Variants in TLN2 observed in about 807,000 individuals in gnomAD.
TLN2 encodes talin-2.
In TLN2, 118 loss-of-function variants were observed where a neutral mutation model predicts 294.7. That is an observed-to-expected ratio of 0.40 (90% CI 0.34 to 0.47). TLN2 has a LOEUF of 0.47. Among genes scored for constraint, TLN2 ranks in the 20% least tolerant of loss-of-function variants. The pLI is 0.84. For missense variants in TLN2, 3,083 were observed against 3,282.2 expected (o/e 0.94, Z 1.48); for synonymous variants, 1,431 against 1,304.5 (o/e 1.10, Z -2.09).
intron 22 of TLN2, among the ~76,000 whole-genome samples, chr15:62,713,897 C>CATATATATATATATATATATATAT (rs34783254): frequency 3.4e-5 from 4 of 119,052 alleles, no homozygotes; most frequent in Non-Finnish European, 3.8e-5. Flanking sequence ...TTCTTTAAGC[C>CATATATATATATATATATATATAT]ATATATATAT....
At chr15:62,507,456 CT>C (rs775387848) in intron 1 of TLN2, among the ~76,000 whole-genome samples, 8 of 152,186 alleles carry the variant, frequency 5.3e-5, no homozygotes, top group Non-Finnish European at 8.8e-5. Context: ...GCTGGTCCTT[CT>C]TTGGGCAGCT....
intron 1 of TLN2, among the ~76,000 whole-genome samples, chr15:62,500,998 C>A (rs1418902213): frequency 6.6e-6 from 1 of 152,216 alleles, no homozygotes; most frequent in African/African-American, 2.4e-5. Context: ...CAGGGCACTT[C>A]TGGTCCTCAC....
intron 1 of TLN2, among the ~76,000 whole-genome samples, chr15:62,578,916 T>C (rs1423171919): frequency 6.6e-6 from 1 of 152,146 alleles, no homozygotes; most frequent in Non-Finnish European, 1.5e-5. Flanking sequence ...TGTGTAGTCT[T>C]AGCACCCTAT....
intron 42 of TLN2, among the ~76,000 whole-genome samples, chr15:62,775,427 G>C (rs147015445): frequency 6.6e-6 from 1 of 152,282 alleles, no homozygotes; most frequent in East Asian, 1.9e-4. Context: ...CGTGAAATCA[G>C]CTATCAACCC....
intron 40 of TLN2, among the ~76,000 whole-genome samples, chr15:62,765,316 CT>C (rs879656479): frequency 5.7e-4 from 83 of 145,976 alleles, no homozygotes; most frequent in Middle Eastern, 3.6e-3. Flanking sequence ...TCCCTTTTTC[CT>C]TTTTTTTTTT....
chr15:62,694,847 A>G (rs975363907), intron 14 of TLN2, among the ~76,000 whole-genome samples: 1 of 152,320 alleles, frequency 6.6e-6, no homozygotes, highest in South Asian at 2.1e-4. Flanking sequence ...GTGAGGTAGC[A>G]TAGTGCAGGC....
chr15:62,758,228 G>A (rs903477587), intron 37 of TLN2, among the ~76,000 whole-genome samples: 3 of 152,016 alleles, frequency 2.0e-5, no homozygotes, highest in Admixed American at 1.3e-4. Context: ...GTGGCTCATC[G>A]GCATCAGTCA....
chr15:62,404,212 A>C (rs548161367), intron 1 of TLN2, among the ~76,000 whole-genome samples: 2 of 152,182 alleles, frequency 1.3e-5, no homozygotes. Context: ...CATCCTTATT[A>C]AATACTTGTT....
At chr15:62,683,488 CCTGCATTCTCCCGCCTCTCATTG>C in intron 11 of TLN2, among the ~76,000 whole-genome samples, 1 of 133,494 alleles carries the variant, frequency 7.5e-6, no homozygotes, top group Admixed American at 7.4e-5. Flanking sequence ...TGGTAGAATG[CCTGCATTCTCCCGCCTCTCATTG>C]GTAGAATGCC....
intron 2 of TLN2, among the ~76,000 whole-genome samples, chr15:62,595,253 C>G (rs978898385): frequency 3.9e-5 from 6 of 151,974 alleles, no homozygotes; most frequent in African/African-American, 1.2e-4. Flanking sequence ...AACCCCGTCT[C>G]TACTGAAAAT....
chr15:62,739,273 T>A (rs576193680), intron 30 of TLN2, 75 bp from the exon 31 acceptor site: 4 of 1,501,990 alleles, frequency 2.7e-6, no homozygotes, highest in Non-Finnish European at 2.7e-6. Context: ...TCTGTCTCCC[T>A]TCCACAATAC....
At chr15:62,532,127 A>G (rs1007174380) in intron 1 of TLN2, among the ~76,000 whole-genome samples, 1 of 150,486 alleles carries the variant, frequency 6.6e-6, no homozygotes, top group Non-Finnish European at 1.5e-5. Context: ...AAGGTTCACT[A>G]TAGCCTTGAC....
intron 1 of TLN2, among the ~76,000 whole-genome samples, chr15:62,391,890 G>T (rs1426603691): frequency 1.3e-5 from 2 of 152,278 alleles, no homozygotes; most frequent in Admixed American, 6.5e-5. Context: ...AGCCGGAGCC[G>T]TGCGCTGGGC....
intron 1 of TLN2, among the ~76,000 whole-genome samples, chr15:62,412,681 A>C (rs2033840900): frequency 6.6e-6 from 1 of 152,156 alleles, no homozygotes; most frequent in African/African-American, 2.4e-5. Context: ...GTCCTTGAAA[A>C]AGTTGTTATA....
intron 22 of TLN2, among the ~76,000 whole-genome samples, chr15:62,713,498 G>A (rs1370059065): frequency 6.6e-6 from 1 of 151,864 alleles, no homozygotes; most frequent in Non-Finnish European, 1.5e-5. Flanking sequence ...GACCGACATG[G>A]CAAAACCCTG....
At chr15:62,391,051 G>T (rs1259570385) in intron 1 of TLN2, among the ~76,000 whole-genome samples, 2 of 152,196 alleles carry the variant, frequency 1.3e-5, no homozygotes, top group Non-Finnish European at 2.9e-5. Flanking sequence ...CTGGGTTTCC[G>T]GTAACTGGGC....
At chr15:62,439,660 A>G (rs1186792564) in intron 1 of TLN2, among the ~76,000 whole-genome samples, 1 of 152,130 alleles carries the variant, frequency 6.6e-6, no homozygotes, top group Non-Finnish European at 1.5e-5. Context: ...AGCCTCTGGA[A>G]GCCCCACAGT....
chr15:62,455,572 G>T (rs147080339), intron 1 of TLN2, among the ~76,000 whole-genome samples: 1 of 152,138 alleles, frequency 6.6e-6, no homozygotes, highest in Non-Finnish European at 1.5e-5. Context: ...CCTACACCTC[G>T]TTCCTACTCA....
At chr15:62,649,277 GT>G (rs1176038212) in intron 4 of TLN2, among the ~76,000 whole-genome samples, 3 of 147,768 alleles carry the variant, frequency 2.0e-5, no homozygotes, top group African/African-American at 7.6e-5. Context: ...TTTTTCTGTT[GT>G]TTTTCTGTCG....
Sources: gnomAD v4.1 joint callset for allele counts (sites outside exome capture counted in the v4.1 genomes callset) on GRCh38, gnomAD v4.1.1 for gene constraint, MANE v1.5 for transcripts, NCBI Gene and HGNC (gene_info 2026-07-23, HGNC 2026-07-21) for gene names.